The following CBR1 variants were observed in gnomAD, a reference collection of about 807,000 sequenced individuals.
The protein encoded by CBR1 is carbonyl reductase 1, also known as carbonyl reductase [NADPH] 1.
Under a neutral mutation model 10.6 loss-of-function variants are expected in CBR1, and 11 were observed. The observed-to-expected ratio is 1.03, with a 90% CI of 0.65 to 1.71. The LOEUF is 1.71. Among genes scored for constraint, CBR1 ranks in the 40% most tolerant of loss-of-function variants. The probability of loss-of-function intolerance (pLI) is 0.00; values close to 1 mark genes in which losing one functional copy is unlikely to be tolerated. For synonymous variants in CBR1, 158 were observed against 156.7 expected, an observed-to-expected ratio of 1.01 and a Z score of -0.06; for missense variants, 361 against 368.6, an observed-to-expected ratio of 0.98 and a Z score of 0.17.
intron 2 of CBR1, chr21:36,072,245 C>G (rs1362354640): frequency 1.3e-6 from 2 of 1,550,624 alleles, no homozygotes; most frequent in African/African-American, 1.4e-5. Flanking sequence ...CCTGACTCTA[C>G]TCAGCCAAAA....
rs1271487725 is a variant in CBR1 at position 36,070,870 on chromosome 21, T to TG, written c.290-80_290-79insG. 51 of 852,388 alleles carry TG rather than the reference T, an allele frequency of 6.0e-5. 2 individuals carry two copies. Among genetic ancestry groups the TG allele is most frequent in the Non-Finnish European group, 7.8e-5 (44 of 562,802 alleles). The allele number at this position is 852,388 out of a possible 1,614,324, so 52.8% of individuals were successfully genotyped here. The stretch of plus-strand genomic sequence containing the variant: ...GGCACTAAGTTTTTTTTTTTTTTTT[T>TG]TTTTTTTTTTAGTATCATTGTATAG... On this transcript the variant is annotated intron_variant, in intron 1 of 2. Coordinates refer to ENST00000290349, the MANE Select transcript of CBR1 (RefSeq NM_001757.4).
intron 1 of CBR1, 72 bp downstream of exon 1, chr21:36,070,476 T>C: frequency 6.9e-7 from 1 of 1,448,690 alleles, no homozygotes; most frequent in Non-Finnish European, 9.2e-7. Context: ...GCGGGGTCCA[T>C]AACGCCTCCC....
chr21:36,071,968 A>C lies in CBR1; in HGVS notation c.398-478A>C, dbSNP rs1186829436. On this transcript the variant is annotated intron_variant, in intron 2 of 2. Coordinates refer to ENST00000290349, the MANE Select transcript of CBR1 (RefSeq NM_001757.4). ...CCCTTCAACGTGCTGAAGGTGCTGG[A>C]CATGACTATCACATGTCTTTGGTTG... 2.0e-6 allele frequency: 3 copies of C among 1,535,798 alleles called. No homozygotes were observed. The South Asian group carries it at 3.6e-5, about 18-fold the overall frequency.
intron 2 of CBR1, chr21:36,072,195 G>T (rs978073606): frequency 3.2e-5 from 49 of 1,550,472 alleles, no homozygotes; most frequent in Non-Finnish European, 4.3e-5. Context: ...CTAAGGCTCT[G>T]GTTCACCAGG....
rs1305498936 is a variant in CBR1 at position 36,070,358 on chromosome 21, C to T, written c.243C>T (p.Tyr81=). Residue 81 remains tyrosine, a synonymous_variant, in exon 1 of 3, where the codon TAC becomes TAT. Coordinates refer to ENST00000290349, the MANE Select transcript of CBR1 (RefSeq NM_001757.4). ...RALRDFLRKE[Y]GGLDVLVNNA... ...TGCGCGACTTCCTGCGCAAGGAGTA[C>T]GGGGGCCTGGACGTGCTGGTCAACA... 3 of 1,612,762 alleles carry T rather than the reference C, an allele frequency of 1.9e-6. No individual in the cohort carries two copies. The highest frequency in any genetic ancestry group is 2.5e-6 in the Non-Finnish European group (3 of 1,179,644).
At chr21:36,072,117 C>G (rs891906436) in intron 2 of CBR1, 15 of 1,520,072 alleles carry the variant, frequency 9.9e-6, no homozygotes, top group Non-Finnish European at 1.3e-5. Flanking sequence ...TGGGTACTTG[C>G]ATGTACAGCT....
chr21:36,073,081 C>T lies in CBR1; in HGVS notation c.*199C>T, dbSNP rs979028002. 2 of 440,798 alleles carry T rather than the reference C, an allele frequency of 4.5e-6. No individual in the cohort carries two copies. Among genetic ancestry groups the T allele is most frequent in the Non-Finnish European group, 8.0e-6 (2 of 250,248 alleles). The allele number at this position is 440,798 out of a possible 1,614,324, so 27.3% of individuals were successfully genotyped here. A position where few individuals can be genotyped will look rare whatever the true frequency, so the allele number is the denominator to read the frequency against. On this transcript the variant is annotated 3_prime_UTR_variant, in exon 3 of 3. Transcript: ENST00000290349. The stretch of plus-strand genomic sequence containing the variant: ...AAATCTGTCAGGTCTTTTGTGATTT[C>T]CTCTGATGCAGGAGAGGAAAAATTG...
In CBR1 at chr21:36,070,037, C is replaced by G. The variant is rs2065336165; in HGVS notation, c.-79C>G. 2.1e-6 allele frequency: 3 copies of G among 1,414,172 alleles called. No individual in the cohort carries two copies. Among genetic ancestry groups the G allele is most frequent in the Middle Eastern group, 2.5e-4 (1 of 3,998 alleles). The allele number at this position is 1,414,172 out of a possible 1,614,324, so 87.6% of individuals were successfully genotyped here. A position where few individuals can be genotyped will look rare whatever the true frequency, so the allele number is the denominator to read the frequency against. On this transcript the variant is annotated 5_prime_UTR_variant, in exon 1 of 3. Coordinates refer to ENST00000290349, the MANE Select transcript of CBR1 (RefSeq NM_001757.4). ...CCCACGACCGCCAGACTCGAGCAGT[C>G]TCTGGAACACGCTGCGGGGCTCCCG...
In CBR1 at chr21:36,072,939, C is replaced by T. The variant is rs1384870015; in HGVS notation, c.*57C>T. 1 of 1,228,910 alleles carries T rather than the reference C, an allele frequency of 8.1e-7. No homozygotes were observed. Among genetic ancestry groups the T allele is most frequent in the African/African-American group, 1.5e-5 (1 of 66,166 alleles). 76.1% of individuals were successfully genotyped at this position (1,228,910 alleles called of 1,614,324 possible). A position where few individuals can be genotyped will look rare whatever the true frequency, so the allele number is the denominator to read the frequency against. ...TTTTGTACCTTGTCCTGAGTTGGTC[C>T]AAAGGGCATTTACAATGTCATAAAT... is the stretch of plus-strand genomic sequence containing the variant. On this transcript the variant is annotated 3_prime_UTR_variant, in exon 3 of 3. Coordinates refer to ENST00000290349, the MANE Select transcript of CBR1 (RefSeq NM_001757.4).
chr21:36,072,958 C>A lies in CBR1; in HGVS notation c.*76C>A. 2 of 963,824 alleles carry A rather than the reference C, an allele frequency of 2.1e-6. No individual in the cohort carries two copies. The highest frequency in any genetic ancestry group is 1.7e-5 in the South Asian group (1 of 59,282). 59.7% of individuals were successfully genotyped at this position (963,824 alleles called of 1,614,324 possible). A position where few individuals can be genotyped will look rare whatever the true frequency, so the allele number is the denominator to read the frequency against. On this transcript the variant is annotated 3_prime_UTR_variant, in exon 3 of 3. Coordinates refer to ENST00000290349, the MANE Select transcript of CBR1 (RefSeq NM_001757.4). ...TTGGTCCAAAGGGCATTTACAATGTCATAAATATCCTTATATAAGAAAAAA... is the reference window on the plus strand; with the variant it reads ...TTGGTCCAAAGGGCATTTACAATGTAATAAATATCCTTATATAAGAAAAAA...
intron 2 of CBR1, chr21:36,071,960 G>A: frequency 1.3e-6 from 2 of 1,536,028 alleles, no homozygotes; most frequent in Non-Finnish European, 1.7e-6. Context: ...ACGTGCTGAA[G>A]GTGCTGGACA....
intron 2 of CBR1, chr21:36,072,132 C>G (rs142412960): frequency 6.5e-7 from 1 of 1,531,630 alleles, no homozygotes. Context: ...ACAGCTTACT[C>G]TCAGCTTTTA....
chr21:36,070,147 C>G lies in CBR1; in HGVS notation c.32C>G (p.Thr11Ser). 1 of 1,568,354 alleles carries G rather than the reference C, an allele frequency of 6.4e-7. No homozygotes were observed. The highest frequency in any genetic ancestry group is 8.6e-7 in the Non-Finnish European group (1 of 1,157,824). ...TCCGGCATCCATGTAGCGCTGGTGA[C>G]TGGAGGCAACAAGGGCATCGGCTTG... MSSGIHVALV[T>S]GGNKGIGLAI... Residue 11 changes from threonine to serine, a missense_variant, in exon 1 of 3, where the codon ACT becomes AGT. Transcript: ENST00000290349.
chr21:36,071,862 G>A (rs1221961433), intron 2 of CBR1: 7 of 1,536,062 alleles, frequency 4.6e-6, no homozygotes, highest in South Asian at 1.2e-5. Context: ...AAATCCTTCA[G>A]GAGGAAAGTC....
At position 36,070,300 on chromosome 21, in the gene CBR1, T is replaced by C; in HGVS notation, c.185T>C (p.Leu62Pro). 1 of 1,613,184 alleles carries C rather than the reference T, an allele frequency of 6.2e-7. No individual in the cohort carries two copies. Among genetic ancestry groups the C allele is most frequent in the Non-Finnish European group, 8.5e-7 (1 of 1,179,950 alleles). The change falls in exon 1 of 3, where the codon CTG (leucine) becomes CCG (proline). Residue 62 changes from leucine (L) to proline (P), a missense_variant. By Grantham distance (98) the Leu-to-Pro change is moderately conservative (BLOSUM62 -3). Coordinates refer to ENST00000290349, the MANE Select transcript of CBR1 (RefSeq NM_001757.4). ...AEGLSPRFHQLDIDDLQSIRA... is the reference protein window; with the variant it reads ...AEGLSPRFHQPDIDDLQSIRA... ...GGCCTGAGCCCGCGCTTCCACCAGC[T>C]GGACATCGACGATCTGCAGAGCATC...
chr21:36,071,989 G>A (rs1391300363), intron 2 of CBR1: 1 of 1,534,092 alleles, frequency 6.5e-7, no homozygotes, highest in South Asian at 1.2e-5. Flanking sequence ...ACATGTCTTT[G>A]GTTGTAAACT....
rs2065364453 is a variant in CBR1 at position 36,072,898 on chromosome 21, C to G, written c.*16C>G. 3 of 1,566,662 alleles carry G rather than the reference C, an allele frequency of 1.9e-6. No homozygotes were observed. The East Asian group carries it at 6.7e-5, about 35-fold the overall frequency. ...ACAGTGGTGAGCTGGGCTCACAGCT[C>G]CATCCATGGGCCCCATTTTGTACCT... On this transcript the variant is annotated 3_prime_UTR_variant, in exon 3 of 3. Coordinates refer to ENST00000290349, the MANE Select transcript of CBR1 (RefSeq NM_001757.4).
intron 1 of CBR1, 119 bp from the exon 2 acceptor site, chr21:36,070,827 GACTT>G: frequency 3.2e-6 from 2 of 634,198 alleles, no homozygotes; most frequent in Non-Finnish European, 5.4e-6. Context: ...ACCAGATACA[GACTT>G]ACTTTAGGCA....
At position 36,070,363 on chromosome 21, in the gene CBR1, G is replaced by A; in HGVS notation, c.248G>A (p.Gly83Asp). ...GACTTCCTGCGCAAGGAGTACGGGG[G>A]CCTGGACGTGCTGGTCAACAACGCG... The part of the protein sequence containing the change: ...LRDFLRKEYG[G>D]LDVLVNNAGI... The change falls in exon 1 of 3, where the codon GGC (glycine) becomes GAC (aspartate). Residue 83 changes from glycine to aspartate, a missense_variant. Gly to Asp is a moderately conservative substitution (Grantham distance 94). Coordinates refer to ENST00000290349, the MANE Select transcript of CBR1 (RefSeq NM_001757.4). The A allele has an allele frequency of 1.9e-6, 3 of 1,612,202 alleles. No homozygotes were observed. Among genetic ancestry groups the A allele is most frequent in the Non-Finnish European group, 2.5e-6 (3 of 1,179,316 alleles).
Sources: allele counts gnomAD v4.1 joint callset, GRCh38; gene constraint gnomAD v4.1.1; transcripts MANE v1.5; gene names NCBI Gene and HGNC (gene_info 2026-07-23, HGNC 2026-07-21).